IPO8: variants seen among roughly 807,000 people sequenced by gnomAD.
IPO8 encodes importin 8, also known as importin-8.
A neutral mutation model predicts 141.2 loss-of-function variants in IPO8; 65 were observed. The observed-to-expected ratio is 0.46, with a 90% CI of 0.38 to 0.57. The LOEUF (loss-of-function observed/expected upper bound fraction) is 0.57, where lower values mean the gene tolerates loss of function less well. Ranked by LOEUF, IPO8 falls within the 20% of genes least tolerant of loss-of-function variation. IPO8 has a pLI of 0.00. For synonymous variants in IPO8, 411 were observed against 420.3 expected, an observed-to-expected ratio of 0.98 and a Z score of 0.27; for missense variants, 980 against 1,246.8, an observed-to-expected ratio of 0.79 and a Z score of 3.22.
At chr12:30,679,642 T>C (rs1305841947) in intron 5 of IPO8, among the ~76,000 whole-genome samples, 2 of 152,058 alleles carry the variant, frequency 1.3e-5, no homozygotes, top group Admixed American at 1.3e-4. Context: ...AAGGGGAAGC[T>C]TTAATAAAAA....
chr12:30,633,215 G>A (rs7316896), intron 23 of IPO8, among the ~76,000 whole-genome samples: 86,439 of 152,036 alleles, frequency 0.57, 25,683 homozygotes, highest in African/African-American at 0.74. Flanking sequence ...ACTAAAAAAT[G>A]CCAATATATT....
intron 8 of IPO8, among the ~76,000 whole-genome samples, chr12:30,672,045 G>C (rs1476275306): frequency 6.6e-6 from 1 of 151,936 alleles, no homozygotes; most frequent in Non-Finnish European, 1.5e-5. Context: ...TTTAAAAACT[G>C]ATTTTTTAAA....
chr12:30,642,971 A>T (rs1261234787), intron 20 of IPO8, among the ~76,000 whole-genome samples: 3 of 152,260 alleles, frequency 2.0e-5, no homozygotes, highest in Non-Finnish European at 1.5e-5. Context: ...AAAAATTTTT[A>T]AAACCAAACA....
At chr12:30,643,312 A>C (rs1015311980) in intron 20 of IPO8, among the ~76,000 whole-genome samples, 5 of 152,168 alleles carry the variant, frequency 3.3e-5, no homozygotes, top group African/African-American at 9.7e-5. Flanking sequence ...CCAAGACAAC[A>C]CTAAATGTAA....
At chr12:30,656,810 A>G in intron 16 of IPO8, 60 bp from the exon 17 acceptor site, 1 of 786,320 alleles carries the variant, frequency 1.3e-6, no homozygotes, top group South Asian at 2.2e-5. Flanking sequence ...TAAATTTAAT[A>G]TTGTGCCAAT....
chr12:30,667,834 C>A (rs1734659072), intron 10 of IPO8, among the ~76,000 whole-genome samples: 1 of 152,126 alleles, frequency 6.6e-6, no homozygotes, highest in African/African-American at 2.4e-5. Context: ...GAAAGCTAAA[C>A]AAATACTCTG....
intron 21 of IPO8, among the ~76,000 whole-genome samples, chr12:30,638,800 G>A (rs1055436745): frequency 6.6e-6 from 1 of 152,096 alleles, no homozygotes; most frequent in African/African-American, 2.4e-5. Flanking sequence ...CCGAGTAGCT[G>A]GGACTACAGG....
At chr12:30,692,341 C>T (rs2053298594) in intron 1 of IPO8, among the ~76,000 whole-genome samples, 1 of 152,156 alleles carries the variant, frequency 6.6e-6, no homozygotes, top group Non-Finnish European at 1.5e-5. Context: ...AACTGTTTGC[C>T]ATTTTAAAAA....
chr12:30,663,897 A>G (rs1257620723), intron 13 of IPO8, among the ~76,000 whole-genome samples: 31 of 152,210 alleles, frequency 2.0e-4, no homozygotes, highest in Admixed American at 2.0e-3. Context: ...AAGAAGCCAA[A>G]TATGTCTTTG....
At chr12:30,658,627 C>T (rs1029758360) in intron 16 of IPO8, among the ~76,000 whole-genome samples, 1 of 152,152 alleles carries the variant, frequency 6.6e-6, no homozygotes, top group Non-Finnish European at 1.5e-5. Flanking sequence ...TTCTACTACG[C>T]CCCACACACA....
intron 10 of IPO8, among the ~76,000 whole-genome samples, chr12:30,668,059 A>C (rs552146092): frequency 4.0e-5 from 6 of 149,518 alleles, no homozygotes; most frequent in African/African-American, 1.5e-4. Flanking sequence ...GAACAAAAAA[A>C]AGAGAGAGAG....
chr12:30,631,853 C>T (rs2052437021), intron 24 of IPO8, 42 bp downstream of exon 24: 2 of 1,365,034 alleles, frequency 1.5e-6, no homozygotes, highest in African/African-American at 2.9e-5. Context: ...TCTGTTGGCA[C>T]TCTGACACAT....
chr12:30,694,232 T>C (rs2053317106), intron 1 of IPO8, among the ~76,000 whole-genome samples: 1 of 152,218 alleles, frequency 6.6e-6, no homozygotes, highest in Non-Finnish European at 1.5e-5. Flanking sequence ...ACAGTACTTT[T>C]ACTCTGCAAA....
chr12:30,653,219 C>T lies in IPO8; in HGVS notation c.1949-127G>A, dbSNP rs191635577. 2.9e-3 allele frequency: 2,107 copies of T among 726,102 alleles called. 6 individuals are homozygous for T. The highest frequency in any genetic ancestry group is 4.2e-3 in the Admixed American group (138 of 32,908). 45.0% of individuals were successfully genotyped at this position (726,102 alleles called of 1,614,324 possible). A position where few individuals can be genotyped will look rare whatever the true frequency, so the allele number is the denominator to read the frequency against. ...TCCTCTATCCAATGTACTCATAAGC[C>T]TCCCTTTCTCAGTATTTGTATCTTC... On this transcript the variant is annotated intron_variant, in intron 17 of 24. Transcript: ENST00000256079.
At chr12:30,638,893 G>A (rs749335317) in intron 21 of IPO8, among the ~76,000 whole-genome samples, 1 of 152,022 alleles carries the variant, frequency 6.6e-6, no homozygotes, top group East Asian at 1.9e-4. Context: ...GAATGGTCTC[G>A]ATCTCCTGAC....
Position 30,663,635 on chromosome 12 carries a change from G to C in IPO8, c.1448C>G (p.Ala483Gly). 1 of 1,610,114 alleles carries C rather than the reference G, an allele frequency of 6.2e-7. No individual in the cohort carries two copies. The highest frequency in any genetic ancestry group is 8.5e-7 in the Non-Finnish European group (1 of 1,179,258). ...ATTATGGAACTTCAAAGAACTAAAT[G>C]CATGAAGTACCCAGCAAGACTGTAT... ...LRARSCWVLHAFSSLKFHNEL... is the reference protein window; with the variant it reads ...LRARSCWVLHGFSSLKFHNEL... The change falls in exon 14 of 25, where the codon GCA becomes GGA. Residue 483 changes from alanine to glycine, a missense_variant. Coordinates refer to ENST00000256079, the MANE Select transcript of IPO8 (RefSeq NM_006390.4).
intron 20 of IPO8, among the ~76,000 whole-genome samples, chr12:30,646,164 A>G (rs1161876151): frequency 1.3e-5 from 2 of 152,246 alleles, no homozygotes; most frequent in Non-Finnish European, 2.9e-5. Context: ...ATCATATTTG[A>G]TAAGTGTGAT....
intron 20 of IPO8, among the ~76,000 whole-genome samples, chr12:30,644,640 G>GTTT (rs796136798): frequency 1.1e-5 from 1 of 89,598 alleles, no homozygotes. Flanking sequence ...GCTTTTTGGT[G>GTTT]TTTTTTTTTT....
chr12:30,631,322 A>G (rs1156691885), intron 24 of IPO8, among the ~76,000 whole-genome samples: 1 of 152,224 alleles, frequency 6.6e-6, no homozygotes, highest in African/African-American at 2.4e-5. Context: ...CAGCATTCTA[A>G]ACTCTAGATG....
Sources: allele counts gnomAD v4.1 joint callset (sites outside exome capture counted in the v4.1 genomes callset), GRCh38; gene constraint gnomAD v4.1.1; transcripts MANE v1.5; gene names NCBI Gene and HGNC (gene_info 2026-07-23, HGNC 2026-07-21).